SPON2: variants seen among roughly 807,000 people sequenced by gnomAD.
The protein encoded by SPON2 is spondin-2.
In SPON2, 32 loss-of-function variants were observed where a neutral mutation model predicts 29.9. That is an observed-to-expected ratio of 1.07 (90% CI 0.81 to 1.44). The LOEUF (loss-of-function observed/expected upper bound fraction) is 1.44. Among genes scored for constraint, SPON2 ranks in the 40% most tolerant of loss-of-function variants. The probability of loss-of-function intolerance (pLI) is 0.00; values close to 1 mark genes in which losing one functional copy is unlikely to be tolerated. For missense variants in SPON2, 541 were observed against 455.5 expected (o/e 1.19, Z -1.71); for synonymous variants, 248 against 209.1 (o/e 1.19, Z -1.61).
intron 1 of SPON2, among the ~76,000 whole-genome samples, chr4:1,205,318 C>T (rs1251056766): frequency 1.3e-5 from 2 of 152,202 alleles, no homozygotes; most frequent in African/African-American, 2.4e-5. Flanking sequence ...GGCTGAGGCC[C>T]GATGCCTGAA....
chr4:1,206,194 A>T (rs1008722534), intron 1 of SPON2, among the ~76,000 whole-genome samples: 1 of 152,096 alleles, frequency 6.6e-6, no homozygotes, highest in African/African-American at 2.4e-5. Flanking sequence ...CCTGCTCCTC[A>T]TGTGTGCCCC....
At chr4:1,197,111 GTCTC>G (rs977008379), upstream of SPON2, 2 of 152,320 alleles carry the variant, frequency 1.3e-5, no homozygotes, top group Middle Eastern at 3.4e-3. Flanking sequence ...CTCCCTCCGT[GTCTC>G]TCTCTCCATA....
intron 5 of SPON2, chr4:1,167,893 C>T: frequency 2.2e-6 from 1 of 451,086 alleles, no homozygotes; most frequent in Non-Finnish European, 3.9e-6. Flanking sequence ...CCGGAGCTGC[C>T]GCTCAAGTCC....
intron 5 of SPON2, 107 bp downstream of exon 5, chr4:1,170,295 C>T (rs557574549): frequency 1.0e-5 from 11 of 1,102,124 alleles, no homozygotes; most frequent in Admixed American, 6.8e-5. Context: ...GTACGCACTA[C>T]GAATCCCTAC....
At chr4:1,194,769 G>A (rs1156943232) in intron 1 of SPON2, among the ~76,000 whole-genome samples, 17 of 152,146 alleles carry the variant, frequency 1.1e-4, no homozygotes, top group Admixed American at 7.2e-4. Flanking sequence ...CCCGGGGCCA[G>A]AGGCAGTGGA....
chr4:1,178,020 A>G (rs1202943799), upstream of SPON2, among the ~76,000 whole-genome samples: 1 of 152,116 alleles, frequency 6.6e-6, no homozygotes, highest in African/African-American at 2.4e-5. Context: ...ACATGTACCA[A>G]GGGCCTCGCT....
At chr4:1,169,930 T>C in intron 5 of SPON2, 1 of 169,930 alleles carries the variant, frequency 5.9e-6, no homozygotes, top group Admixed American at 6.4e-5. Flanking sequence ...CTGGAAGAGC[T>C]AGGAGAATGC....
intron 1 of SPON2, among the ~76,000 whole-genome samples, chr4:1,181,170 CTTAG>C (rs940396582): frequency 5.9e-5 from 9 of 152,268 alleles, no homozygotes; most frequent in African/African-American, 1.9e-4. Context: ...ACAGGAGATC[CTTAG>C]TTAGGTTAAC....
chr4:1,186,003 G>A (rs1009908285), intron 1 of SPON2, among the ~76,000 whole-genome samples: 13 of 151,348 alleles, frequency 8.6e-5, no homozygotes, highest in East Asian at 3.9e-4. Context: ...CCAGCACTTT[G>A]GGAGGCCGAG....
intron 5 of SPON2, among the ~76,000 whole-genome samples, chr4:1,169,208 C>T (rs985363099): frequency 1.3e-5 from 2 of 152,074 alleles, no homozygotes; most frequent in Non-Finnish European, 2.9e-5. Flanking sequence ...TGGGGCAAAC[C>T]GCACCTCTCT....
chr4:1,183,265 A>G (rs1470673807), intron 1 of SPON2, among the ~76,000 whole-genome samples: 2 of 151,568 alleles, frequency 1.3e-5, no homozygotes, highest in African/African-American at 2.4e-5. Context: ...ACAAAAAAGA[A>G]AGAGAGAGAA....
chr4:1,186,165 A>G (rs1242069064), intron 1 of SPON2, among the ~76,000 whole-genome samples: 2 of 150,502 alleles, frequency 1.3e-5, no homozygotes, highest in African/African-American at 2.5e-5. Context: ...AATGGTGTGA[A>G]CCTGGGAGGC....
chr4:1,175,842 G>C (rs375273982), upstream of SPON2, among the ~76,000 whole-genome samples: 11 of 152,166 alleles, frequency 7.2e-5, no homozygotes, highest in African/African-American at 2.7e-4. Flanking sequence ...AGGCCTTGGA[G>C]GTGCTCCAGG....
At chr4:1,178,122 C>T (rs1727639735), upstream of SPON2, among the ~76,000 whole-genome samples, 1 of 149,042 alleles carries the variant, frequency 6.7e-6, no homozygotes, top group African/African-American at 2.5e-5. Context: ...TCCCTCCGGC[C>T]AGACACCACG....
intron 1 of SPON2, among the ~76,000 whole-genome samples, chr4:1,183,514 T>C (rs887950362): frequency 6.6e-6 from 1 of 152,230 alleles, no homozygotes; most frequent in African/African-American, 2.4e-5. Flanking sequence ...TTTAAGAGAA[T>C]GTGTTTTTTA....
At chr4:1,187,705 C>T (rs1727831621) in intron 1 of SPON2, among the ~76,000 whole-genome samples, 1 of 152,154 alleles carries the variant, frequency 6.6e-6, no homozygotes, top group African/African-American at 2.4e-5. Context: ...ATATATAGCT[C>T]TGTTCCCTCC....
At chr4:1,198,914 C>T (rs1349187662), upstream of SPON2, 1 of 151,828 alleles carries the variant, frequency 6.6e-6, no homozygotes, top group Non-Finnish European at 1.5e-5. Context: ...ACGTGGAAAA[C>T]ACAAATGTCA....
At chr4:1,168,209 C>T (rs931431781) in intron 5 of SPON2, 3 of 152,392 alleles carry the variant, frequency 2.0e-5, no homozygotes, top group Admixed American at 6.5e-5. Flanking sequence ...TGGTAATTTC[C>T]ATGTTTCCAA....
At position 1,186,062 on chromosome 4, in the gene SPON2, G is replaced by A. The variant is rs375992776; in HGVS notation, c.-238-6521C>T. 3.4e-3 allele frequency among the ~76,000 whole-genome samples: 501 copies of A among 145,848 alleles called. 3 individuals are homozygous for A. Among genetic ancestry groups the A allele is most frequent in the Non-Finnish European group, 5.6e-3 (364 of 65,054 alleles). ...GATCGAGACCATCCTGGCTAACACG[G>A]TGAAACCCCATCTCTACTAAAAATA... On this transcript the variant is annotated intron_variant, in intron 1 of 3. Transcript: ENST00000502483.
Sources: allele counts gnomAD v4.1 joint callset (sites outside exome capture counted in the v4.1 genomes callset), GRCh38; gene constraint gnomAD v4.1.1; transcripts MANE v1.5; gene names NCBI Gene and HGNC (gene_info 2026-07-23, HGNC 2026-07-21).